Variants in DISC1 observed in about 807,000 individuals in gnomAD.
DISC1 encodes the protein DISC1 scaffold protein.
In DISC1, 57 loss-of-function variants were observed where a neutral mutation model predicts 84.5. The observed-to-expected ratio is 0.67, with a 90% CI of 0.55 to 0.84. DISC1 has a LOEUF of 0.84. DISC1 is among the 40% of genes least tolerant of loss of function. The pLI, the probability that DISC1 is intolerant of heterozygous loss-of-function variation, is 0.00. For synonymous variants in DISC1, 411 were observed against 415.2 expected, an observed-to-expected ratio of 0.99 and a Z score of 0.12; for missense variants, 1,000 against 1,057.8, an observed-to-expected ratio of 0.95 and a Z score of 0.76.
At chr1:231,773,181 A>G (rs1381994058) in intron 6 of DISC1, among the ~76,000 whole-genome samples, 1 of 152,156 alleles carries the variant, frequency 6.6e-6, no homozygotes, top group Admixed American at 6.5e-5. Context: ...CAAGGAAGCT[A>G]TTTCTATGAC....
At chr1:231,788,861 C>T (rs1411300773) in intron 6 of DISC1, among the ~76,000 whole-genome samples, 1 of 152,092 alleles carries the variant, frequency 6.6e-6, no homozygotes, top group Non-Finnish European at 1.5e-5. Context: ...GAGTGTGCCT[C>T]TAGCAGAGGT....
chr1:231,944,784 G>T (rs977949957), intron 9 of DISC1: 3 of 152,186 alleles, frequency 2.0e-5, no homozygotes, highest in African/African-American at 7.2e-5. Flanking sequence ...AGAAGCGGAA[G>T]TTACAATCCT....
At chr1:232,001,370 C>T (rs913624112) in intron 10 of DISC1, among the ~76,000 whole-genome samples, 7 of 151,432 alleles carry the variant, frequency 4.6e-5, no homozygotes, top group African/African-American at 1.7e-4. Context: ...TGAGCCACCA[C>T]ACCAGGCAAT....
intron 10 of DISC1, among the ~76,000 whole-genome samples, chr1:231,993,103 T>C (rs770652768): frequency 2.0e-5 from 3 of 152,154 alleles, no homozygotes; most frequent in Non-Finnish European, 4.4e-5. Context: ...TAAAGTGACA[T>C]GAGCCTTGAG....
rs141443612 is a variant in DISC1, at chr1:231,900,948, C to G, written c.1982-57880C>G. On this transcript the variant is annotated intron_variant, in intron 9 of 12. Coordinates refer to ENST00000439617, the MANE Select transcript of DISC1 (RefSeq NM_018662.3). ...GGGTGCTCATTACCACCTTTCTAGT[C>G]TGCCATGGGTTTGGTTGTGGGGCAG... Among the ~76,000 whole-genome samples, 11 of 152,362 alleles carry G rather than the reference C, an allele frequency of 7.2e-5. No individual in the cohort carries two copies. The East Asian group carries it at 2.1e-3, about 29-fold the overall frequency.
chr1:231,773,312 G>A (rs1422096931), intron 6 of DISC1, among the ~76,000 whole-genome samples: 4 of 152,320 alleles, frequency 2.6e-5, no homozygotes, highest in Non-Finnish European at 5.9e-5. Flanking sequence ...ATCAGGATGA[G>A]TCACAGAGAA....
At chr1:231,999,248 C>G (rs1216941034) in intron 10 of DISC1, among the ~76,000 whole-genome samples, 3 of 152,138 alleles carry the variant, frequency 2.0e-5, no homozygotes. Flanking sequence ...AATGCAAGAG[C>G]TAATCAAATG....
chr1:231,714,729 G>GGAGA (rs151303418), intron 3 of DISC1, among the ~76,000 whole-genome samples: 5 of 148,378 alleles, frequency 3.4e-5, no homozygotes, highest in South Asian at 2.1e-4. Context: ...AAAGATATAG[G>GGAGA]GAGAGAGAGA....
chr1:231,687,090 G>A (rs901020167), intron 1 of DISC1, among the ~76,000 whole-genome samples: 12 of 152,202 alleles, frequency 7.9e-5, no homozygotes, highest in Admixed American at 7.2e-4. Context: ...AAGTCTCTAG[G>A]GAGTTCCAAA....
Position 232,036,716 on chromosome 1 carries a change from T to C in DISC1, c.2450T>C (p.Met817Thr). ...CAGTCTCTCAGGAGGGAGCTCCAGA[T>C]GGTGAAGGAAACTCTGCAGGCCATG... is the stretch of plus-strand genomic sequence containing the variant. ...LIQSLRRELQ[M>T]VKETLQAMIL... The change falls in exon 13 of 13, where the codon ATG (methionine) becomes ACG (threonine). Residue 817 changes from methionine (M) to threonine (T), a missense_variant. Physicochemically the swap from Met to Thr is moderately conservative, Grantham distance 81. Transcript: ENST00000439617. 1.9e-6 allele frequency: 3 copies of C among 1,602,694 alleles called. No individual in the cohort carries two copies. Among genetic ancestry groups the C allele is most frequent in the Non-Finnish European group, 2.6e-6 (3 of 1,171,414 alleles).
rs368656200 is a variant in DISC1, at chr1:232,026,587, A to T, written c.2425+35A>T. 3.3e-6 allele frequency: 5 copies of T among 1,495,452 alleles called. No homozygotes were observed. In the African/African-American group the frequency reaches 4.1e-5, roughly 12 times the overall value. 92.6% of individuals were successfully genotyped at this position (1,495,452 alleles called of 1,614,324 possible). A position where few individuals can be genotyped will look rare whatever the true frequency, so the allele number is the denominator to read the frequency against. ...TCATCTTGCAGATGAAGCAAGGCAA[A>T]GTTATTTTATAAAAGAGAGTCTTTA... On this transcript the variant is annotated intron_variant, in intron 12 of 12. Transcript: ENST00000439617.
rs145868583 is a variant in DISC1, at chr1:232,010,897, G to A, written c.2307+1848G>A. Among the ~76,000 whole-genome samples, 10 of 152,238 alleles carry A rather than the reference G, an allele frequency of 6.6e-5. No individual in the cohort carries two copies. The East Asian group carries it at 1.5e-3, about 24-fold the overall frequency. The stretch of plus-strand genomic sequence containing the variant: ...TATAGGTTGTACACTTTAAAGATGA[G>A]GGTGTTATAATCTACTTTAGAGGAA... On this transcript the variant is annotated intron_variant, in intron 11 of 12. Transcript: ENST00000439617.
chr1:231,964,982 C>T (rs1660897053), intron 10 of DISC1, among the ~76,000 whole-genome samples: 4 of 152,200 alleles, frequency 2.6e-5, no homozygotes, highest in Admixed American at 2.6e-4. Flanking sequence ...CTAAATCTGG[C>T]TAGTCACCAT....
intron 3 of DISC1, among the ~76,000 whole-genome samples, chr1:231,736,961 G>T (rs2072591509): frequency 6.6e-6 from 1 of 152,166 alleles, no homozygotes; most frequent in South Asian, 2.1e-4. Flanking sequence ...GCTTATAAAT[G>T]CTTATTTGAT....
intron 10 of DISC1, among the ~76,000 whole-genome samples, chr1:231,975,291 G>A (rs974264312): frequency 1.3e-5 from 2 of 152,032 alleles, no homozygotes; most frequent in African/African-American, 2.4e-5. Flanking sequence ...CAGTCAGAAT[G>A]GCTATTATCT....
At chr1:231,636,751 G>A (rs772252607) in intron 1 of DISC1, among the ~76,000 whole-genome samples, 1 of 152,008 alleles carries the variant, frequency 6.6e-6, no homozygotes, top group Non-Finnish European at 1.5e-5. Context: ...GCTAATCTTG[G>A]TATGAATTTA....
intron 1 of DISC1, among the ~76,000 whole-genome samples, chr1:231,663,947 G>C (rs1558275756): frequency 6.6e-6 from 1 of 152,030 alleles, no homozygotes; most frequent in Non-Finnish European, 1.5e-5. Flanking sequence ...AGCATCATAG[G>C]TATTAAGTTG....
chr1:231,726,793 A>G (rs1558433011), intron 3 of DISC1, among the ~76,000 whole-genome samples: 2 of 152,196 alleles, frequency 1.3e-5, no homozygotes, highest in Non-Finnish European at 2.9e-5. Flanking sequence ...TGGTTTTAGA[A>G]TATCAGGAAA....
intron 4 of DISC1, among the ~76,000 whole-genome samples, chr1:231,760,397 T>C (rs1490914250): frequency 1.3e-5 from 2 of 152,150 alleles, no homozygotes; most frequent in African/African-American, 4.8e-5. Context: ...ACACAAGTCA[T>C]ATGACATAAA....
Sources: gnomAD v4.1 joint callset for allele counts (sites outside exome capture counted in the v4.1 genomes callset) on GRCh38, gnomAD v4.1.1 for gene constraint, MANE v1.5 for transcripts, NCBI Gene and HGNC (gene_info 2026-07-23, HGNC 2026-07-21) for gene names.